HHAT: variants seen among roughly 807,000 people sequenced by gnomAD.
The protein encoded by HHAT is hedgehog acyltransferase.
Under a neutral mutation model 70.8 loss-of-function variants are expected in HHAT, and 47 were observed. The observed-to-expected ratio is 0.66, with a 90% CI of 0.53 to 0.85. The LOEUF (loss-of-function observed/expected upper bound fraction) is 0.85. Among genes scored for constraint, HHAT ranks in the 40% least tolerant of loss-of-function variants. The pLI, the probability that HHAT is intolerant of heterozygous loss-of-function variation, is 0.00. For synonymous variants in HHAT, 228 were observed against 247.6 expected, an observed-to-expected ratio of 0.92 and a Z score of 0.74; for missense variants, 609 against 604.8, an observed-to-expected ratio of 1.01 and a Z score of -0.07.
chr1:210,514,546 T>A (rs28663521), intron 9 of HHAT, among the ~76,000 whole-genome samples: 1 of 152,202 alleles, frequency 6.6e-6, no homozygotes, highest in African/African-American at 2.4e-5. Context: ...TGCCTTGTAG[T>A]GGATGCAAGT....
chr1:210,606,109 C>T (rs938094550), intron 10 of HHAT, among the ~76,000 whole-genome samples: 1 of 152,166 alleles, frequency 6.6e-6, no homozygotes, highest in African/African-American at 2.4e-5. Context: ...GTCCATCTGC[C>T]TTGGCCTCCC....
intron 8 of HHAT, among the ~76,000 whole-genome samples, chr1:210,507,399 C>T (rs569229744): frequency 4.4e-5 from 5 of 112,532 alleles, no homozygotes; most frequent in South Asian, 2.8e-4. Flanking sequence ...CTTGCTTTGT[C>T]GCCCAGGCTG....
chr1:210,521,552 C>G (rs2095158485), intron 9 of HHAT, among the ~76,000 whole-genome samples: 1 of 152,158 alleles, frequency 6.6e-6, no homozygotes, highest in Non-Finnish European at 1.5e-5. Context: ...TTGGATACCA[C>G]AAGTCTATCA....
chr1:210,654,755 C>A (rs1676026993), intron 11 of HHAT, among the ~76,000 whole-genome samples: 1 of 152,172 alleles, frequency 6.6e-6, no homozygotes, highest in Non-Finnish European at 1.5e-5. Flanking sequence ...ACAGTGCAGC[C>A]CCTAGGAAGG....
At chr1:210,650,074 C>T (rs1191425034) in intron 11 of HHAT, among the ~76,000 whole-genome samples, 2 of 152,194 alleles carry the variant, frequency 1.3e-5, no homozygotes, top group Admixed American at 1.3e-4. Flanking sequence ...TTCATCTTGC[C>T]TATATGGCAT....
chr1:210,539,591 T>C (rs1275843946), intron 9 of HHAT, among the ~76,000 whole-genome samples: 1 of 152,140 alleles, frequency 6.6e-6, no homozygotes, highest in African/African-American at 2.4e-5. Context: ...AGAGAAAATG[T>C]TGCAGTTGGT....
chr1:210,520,980 A>T (rs1558080589), intron 9 of HHAT, among the ~76,000 whole-genome samples: 1 of 152,210 alleles, frequency 6.6e-6, no homozygotes, highest in South Asian at 2.1e-4. Context: ...TTCCACTGAT[A>T]CTTCTTAGGC....
chr1:210,509,776 A>G (rs1203256995), intron 8 of HHAT, among the ~76,000 whole-genome samples: 1 of 152,226 alleles, frequency 6.6e-6, no homozygotes, highest in Non-Finnish European at 1.5e-5. Flanking sequence ...CCTTTCTCAC[A>G]TGATCCAAGG....
intron 11 of HHAT, among the ~76,000 whole-genome samples, chr1:210,645,830 T>C (rs962618985): frequency 1.3e-5 from 2 of 152,172 alleles, no homozygotes; most frequent in African/African-American, 4.8e-5. Context: ...TTGTAGTGGT[T>C]CATGCACTGG....
At chr1:210,588,308 T>C in intron 10 of HHAT, 1 of 485,234 alleles carries the variant, frequency 2.1e-6, no homozygotes, top group East Asian at 3.1e-5. Context: ...TGTGTGTATA[T>C]ATAACTATAA....
At chr1:210,375,427 C>T (rs1307156797) in intron 3 of HHAT, among the ~76,000 whole-genome samples, 2 of 152,118 alleles carry the variant, frequency 1.3e-5, no homozygotes, top group African/African-American at 2.4e-5. Flanking sequence ...TTGGTAGAGC[C>T]ACTCCCACTT....
rs1558024204 is a variant in HHAT at position 210,496,034 on chromosome 1, A to AAAAG, written c.1008-17117_1008-17116insAGAA. On this transcript the variant is annotated intron_variant, in intron 8 of 11. Coordinates refer to ENST00000261458, the MANE Select transcript of HHAT (RefSeq NM_018194.6). ...TCAAAAAAAAAAAAAAAAAAAAGAA[A>AAAAG]AAGAAAATGGAGTAGAAAATATCAG... Among the ~76,000 whole-genome samples, 68 of 149,222 alleles carry AAAAG rather than the reference A, an allele frequency of 4.6e-4. No individual in the cohort carries two copies. The East Asian group carries it at 0.012, about 26-fold the overall frequency.
intron 7 of HHAT, among the ~76,000 whole-genome samples, chr1:210,443,160 T>C (rs1038497432): frequency 1.3e-5 from 2 of 151,484 alleles, no homozygotes; most frequent in South Asian, 2.1e-4. Flanking sequence ...GTTGTAGATA[T>C]GTGGCGTTAT....
chr1:210,473,086 A>C (rs892441679), intron 8 of HHAT, among the ~76,000 whole-genome samples: 3 of 152,178 alleles, frequency 2.0e-5, no homozygotes, highest in African/African-American at 7.2e-5. Flanking sequence ...CTGGAAAGGG[A>C]AGGGGATTCT....
rs147233450 is a variant in HHAT at position 210,509,652 on chromosome 1, G to A, written c.1008-3501G>A. Among the ~76,000 whole-genome samples, 850 of 152,160 alleles carry A rather than the reference G, an allele frequency of 5.6e-3. 11 individuals are homozygous for A. The highest frequency in any genetic ancestry group is 0.044 in the South Asian group (214 of 4,816). On this transcript the variant is annotated intron_variant, in intron 8 of 11. Coordinates refer to ENST00000261458, the MANE Select transcript of HHAT (RefSeq NM_018194.6). ...GAGTGCCTGGCACATGCTAAGCACT[G>A]TGTGTGTGTGTTGGCTTTTACTATT...
intron 11 of HHAT, among the ~76,000 whole-genome samples, chr1:210,672,775 A>G (rs1420718900): frequency 6.6e-6 from 1 of 152,242 alleles, no homozygotes; most frequent in Non-Finnish European, 1.5e-5. Context: ...AGAAAAGAAC[A>G]TCAGATATTC....
At chr1:210,590,260 C>T (rs1661364789) in intron 10 of HHAT, 1 of 152,114 alleles carries the variant, frequency 6.6e-6, no homozygotes, top group African/African-American at 2.4e-5. Flanking sequence ...ACTATTTCCC[C>T]ACTTAGGTTA....
chr1:210,329,516 A>G, intron 1 of HHAT: 1 of 994,108 alleles, frequency 1.0e-6, no homozygotes, highest in Non-Finnish European at 1.2e-6. Context: ...TATCTTCAGG[A>G]CTCAGTTTTC....
At chr1:210,512,846 T>G (rs1170326949) in intron 8 of HHAT, among the ~76,000 whole-genome samples, 1 of 152,170 alleles carries the variant, frequency 6.6e-6, no homozygotes, top group Non-Finnish European at 1.5e-5. Context: ...TTACACTTGC[T>G]GAGACACTTA....
Sources: allele counts gnomAD v4.1 joint callset (sites outside exome capture counted in the v4.1 genomes callset), GRCh38; gene constraint gnomAD v4.1.1; transcripts MANE v1.5; gene names NCBI Gene and HGNC (gene_info 2026-07-23, HGNC 2026-07-21).